Variants in RSRC1 observed in about 807,000 individuals in gnomAD.
RSRC1 encodes serine/Arginine-related protein 53.
In RSRC1, 39 loss-of-function variants were observed where a neutral mutation model predicts 49.1. That is an observed-to-expected ratio of 0.79 (90% confidence interval 0.61 to 1.04). The LOEUF (loss-of-function observed/expected upper bound fraction) is 1.04. RSRC1 is among the 50% of genes least tolerant of loss of function. The pLI, the probability that RSRC1 is intolerant of heterozygous loss-of-function variation, is 0.00. For synonymous variants in RSRC1, 143 were observed against 130.8 expected (o/e 1.09, Z -0.63); for missense variants, 388 against 402.4 (o/e 0.96, Z 0.31).
intron 6 of RSRC1, among the ~76,000 whole-genome samples, chr3:158,362,778 C>CA (rs1337682796): frequency 3.3e-5 from 5 of 152,204 alleles, no homozygotes; most frequent in African/African-American, 1.2e-4. Flanking sequence ...AGATTTTCTG[C>CA]AAAAACGTAT....
At chr3:158,265,556 G>A (rs188292162) in intron 4 of RSRC1, among the ~76,000 whole-genome samples, 6 of 152,084 alleles carry the variant, frequency 3.9e-5, no homozygotes, top group South Asian at 2.1e-4. Flanking sequence ...GCTTGAAACC[G>A]GGAGGCAGAG....
At chr3:158,418,888 A>C (rs374899510) in intron 6 of RSRC1, among the ~76,000 whole-genome samples, 4 of 152,122 alleles carry the variant, frequency 2.6e-5, no homozygotes. Flanking sequence ...CATTTGGTTA[A>C]AAAATTGAGA....
At chr3:158,194,054 T>TACACACACACACACACAC (rs10530687) in intron 3 of RSRC1, among the ~76,000 whole-genome samples, 27 of 144,074 alleles carry the variant, frequency 1.9e-4, no homozygotes, top group African/African-American at 7.1e-4. Flanking sequence ...ACCCCGTCTA[T>TACACACACACACACACAC]ACACACACAC....
chr3:158,326,824 C>G (rs1447144644), intron 5 of RSRC1, among the ~76,000 whole-genome samples: 1 of 152,112 alleles, frequency 6.6e-6, no homozygotes, highest in African/African-American at 2.4e-5. Context: ...CTCCTTGTAC[C>G]TCTGGTACAA....
chr3:158,383,558 G>C (rs1479465935), intron 6 of RSRC1, among the ~76,000 whole-genome samples: 1 of 152,122 alleles, frequency 6.6e-6, no homozygotes, highest in Non-Finnish European at 1.5e-5. Context: ...CAAAAGTACA[G>C]GTGGTGCCAT....
At chr3:158,289,924 T>TATCCGTCC (rs1726820340) in intron 4 of RSRC1, among the ~76,000 whole-genome samples, 3 of 149,902 alleles carry the variant, frequency 2.0e-5, no homozygotes, top group African/African-American at 7.4e-5. Context: ...TCTATCTTTC[T>TATCCGTCC]ATCCATCCAT....
chr3:158,270,313 C>A (rs149304878), intron 4 of RSRC1, among the ~76,000 whole-genome samples: 1 of 152,276 alleles, frequency 6.6e-6, no homozygotes, highest in East Asian at 1.9e-4. Context: ...ACATTTCTAC[C>A]TCCCGAGTTA....
chr3:158,210,149 T>C (rs2108287261), intron 4 of RSRC1, among the ~76,000 whole-genome samples: 1 of 152,212 alleles, frequency 6.6e-6, no homozygotes, highest in Non-Finnish European at 1.5e-5. Context: ...AATTTACCCC[T>C]ATTTGCATAT....
intron 1 of RSRC1, among the ~76,000 whole-genome samples, chr3:158,113,315 A>G (rs1304601008): frequency 6.6e-6 from 1 of 151,584 alleles, no homozygotes; most frequent in Non-Finnish European, 1.5e-5. Context: ...CCAACAGTTT[A>G]TTAATAAAAG....
intron 4 of RSRC1, among the ~76,000 whole-genome samples, chr3:158,266,535 C>T (rs570144470): frequency 6.6e-5 from 10 of 152,054 alleles, no homozygotes; most frequent in South Asian, 2.1e-4. Context: ...AGCTTCTTGG[C>T]GGTTGTTGGG....
chr3:158,286,925 C>G lies in RSRC1; in HGVS notation c.495-11114C>G, dbSNP rs538998866. On this transcript the variant is annotated intron_variant, in intron 4 of 9. Coordinates refer to ENST00000611884, the MANE Select transcript of RSRC1 (RefSeq NM_001271838.2). ...CACTGCAACCTCTGCCTCCTGGGTTCAAGTGATTCTCCTGCCTCAGCCTTC... is the reference window on the plus strand; with the variant it reads ...CACTGCAACCTCTGCCTCCTGGGTTGAAGTGATTCTCCTGCCTCAGCCTTC... 1.8e-4 allele frequency among the ~76,000 whole-genome samples: 28 copies of G among 152,298 alleles called. No individual in the cohort carries two copies. In the East Asian group the frequency reaches 3.1e-3, roughly 17 times the overall value.
chr3:158,169,097 C>T (rs947744486), intron 3 of RSRC1, among the ~76,000 whole-genome samples: 6 of 152,120 alleles, frequency 3.9e-5, no homozygotes, highest in African/African-American at 1.2e-4. Context: ...CTAATATCAG[C>T]GTGATGCTGC....
intron 7 of RSRC1, among the ~76,000 whole-genome samples, chr3:158,530,847 A>G (rs1423684841): frequency 1.3e-5 from 2 of 149,898 alleles, no homozygotes; most frequent in East Asian, 4.0e-4. Flanking sequence ...ATACATATGT[A>G]ACTAACCTGC....
chr3:158,225,542 G>A, intron 4 of RSRC1: 1 of 314,278 alleles, frequency 3.2e-6, no homozygotes, highest in East Asian at 9.2e-5. Flanking sequence ...TGTTTGTCTT[G>A]TTAAAAAGTA....
intron 6 of RSRC1, among the ~76,000 whole-genome samples, chr3:158,431,148 T>C (rs1253611520): frequency 6.6e-6 from 1 of 151,940 alleles, no homozygotes; most frequent in Non-Finnish European, 1.5e-5. Flanking sequence ...TTCCTGAAGC[T>C]AATCTTTAAT....
At chr3:158,286,734 GAAC>G (rs1726586223) in intron 4 of RSRC1, among the ~76,000 whole-genome samples, 1 of 152,182 alleles carries the variant, frequency 6.6e-6, no homozygotes, top group African/African-American at 2.4e-5. Flanking sequence ...AAGTTAAACA[GAAC>G]AACAACGGAA....
intron 7 of RSRC1, among the ~76,000 whole-genome samples, chr3:158,461,542 A>C (rs1432863251): frequency 1.3e-5 from 2 of 151,882 alleles, no homozygotes; most frequent in Non-Finnish European, 2.9e-5. Flanking sequence ...CTCCTCTAAC[A>C]AATTTTTATT....
intron 4 of RSRC1, among the ~76,000 whole-genome samples, chr3:158,219,322 TTTCC>T (rs745978485): frequency 3.3e-5 from 5 of 151,648 alleles, no homozygotes; most frequent in African/African-American, 4.8e-5. Context: ...TCCTCCTCTT[TTTCC>T]TTCCTCCTTT....
At position 158,190,767 on chromosome 3, in the gene RSRC1, G is replaced by A. The variant is rs973243922; in HGVS notation, c.321-12305G>A. 4.0e-5 allele frequency among the ~76,000 whole-genome samples: 6 copies of A among 151,542 alleles called. No homozygotes were observed. The Admixed American group carries it at 4.0e-4, about 10-fold the overall frequency. On this transcript the variant is annotated intron_variant, in intron 3 of 9. Coordinates refer to ENST00000611884, the MANE Select transcript of RSRC1 (RefSeq NM_001271838.2). ...TATTTCTGTTGCTTATAGTTGCTTTGTATGGATGTTGGATTCTCTTTTTAT... is the reference window on the plus strand; with the variant it reads ...TATTTCTGTTGCTTATAGTTGCTTTATATGGATGTTGGATTCTCTTTTTAT...
Sources: gnomAD v4.1 joint callset for allele counts (sites outside exome capture counted in the v4.1 genomes callset) on GRCh38, gnomAD v4.1.1 for gene constraint, MANE v1.5 for transcripts, NCBI Gene and HGNC (gene_info 2026-07-23, HGNC 2026-07-21) for gene names.